DYM: variants seen among roughly 807,000 people sequenced by gnomAD.
DYM encodes the protein dyggve-Melchior-Clausen syndrome protein.
A neutral mutation model predicts 93.1 loss-of-function variants in DYM; 78 were observed. The observed-to-expected ratio is 0.84, with a 90% CI of 0.70 to 1.01. The LOEUF (loss-of-function observed/expected upper bound fraction) is 1.01, where lower values mean the gene tolerates loss of function less well. Ranked by LOEUF, DYM falls within the 50% of genes least tolerant of loss-of-function variation. DYM has a pLI of 0.00. For missense variants in DYM, 789 were observed against 845.0 expected (o/e 0.93, Z 0.82); for synonymous variants, 321 against 319.7 (o/e 1.00, Z -0.04).
At chr18:49,128,638 T>C (rs961753263) in intron 15 of DYM, among the ~76,000 whole-genome samples, 2 of 152,164 alleles carry the variant, frequency 1.3e-5, no homozygotes, top group African/African-American at 4.8e-5. Context: ...AACCCCTTCC[T>C]AGTCTCAAGT....
chr18:49,223,904 A>C (rs919938921), intron 13 of DYM, among the ~76,000 whole-genome samples: 3 of 152,126 alleles, frequency 2.0e-5, no homozygotes, highest in African/African-American at 7.2e-5. Context: ...TCACCAAGGA[A>C]TTATGCCTTC....
intron 13 of DYM, among the ~76,000 whole-genome samples, chr18:49,233,132 CGGGTGGA>C (rs1037628522): frequency 1.3e-5 from 2 of 151,844 alleles, no homozygotes; most frequent in African/African-American, 4.8e-5. Context: ...GAGGCCAAGG[CGGGTGGA>C]TCACCTGAGG....
At chr18:49,147,818 T>C (rs1290346017) in intron 15 of DYM, among the ~76,000 whole-genome samples, 1 of 152,170 alleles carries the variant, frequency 6.6e-6, no homozygotes, top group Non-Finnish European at 1.5e-5. Flanking sequence ...ACAAATACCA[T>C]TTGACCCGGC....
intron 1 of DYM, among the ~76,000 whole-genome samples, chr18:49,432,943 C>T (rs1392519703): frequency 1.3e-5 from 2 of 152,124 alleles, no homozygotes; most frequent in African/African-American, 4.8e-5. Flanking sequence ...TTTCAAGCTA[C>T]CAATTAAGTT....
At position 49,192,051 on chromosome 18, in the gene DYM, C is replaced by T. The variant is rs182633056; in HGVS notation, c.1625+17500G>A. 5.3e-5 allele frequency among the ~76,000 whole-genome samples: 8 copies of T among 151,984 alleles called. No individual in the cohort carries two copies. In the Middle Eastern group the frequency reaches 0.01, roughly 195 times the overall value. On this transcript the variant is annotated intron_variant, in intron 14 of 17. Transcript: ENST00000675505. ...ACCTGGGCTCAAGCGATCCTCCTGC[C>T]TCAGCCTCCTGGGACTATACATATG...
rs1293989041 is a variant in DYM, at chr18:49,363,152, A to G, written c.494+9T>C. The G allele has an allele frequency of 1.2e-6, 2 of 1,610,456 alleles. No individual in the cohort carries two copies. The highest frequency in any genetic ancestry group is 1.3e-5 in the African/African-American group (1 of 74,860). On this transcript the variant is annotated intron_variant, in intron 6 of 17. Transcript: ENST00000675505. ...AGATAAAACAAATCCTGGCCTAGCC[A>G]GAACTTACAAGAGTGGAATATCAGT... is the stretch of plus-strand genomic sequence containing the variant.
chr18:49,296,400 C>T (rs2060556844), intron 8 of DYM, among the ~76,000 whole-genome samples: 1 of 152,164 alleles, frequency 6.6e-6, no homozygotes, highest in African/African-American at 2.4e-5. Context: ...ACATTCATTT[C>T]ATCATTTATT....
intron 16 of DYM, among the ~76,000 whole-genome samples, chr18:49,113,665 T>C (rs2081635837): frequency 6.6e-6 from 1 of 152,182 alleles, no homozygotes; most frequent in South Asian, 2.1e-4. Context: ...GTTAACTCTA[T>C]GAAAGAAGAA....
intron 2 of DYM, among the ~76,000 whole-genome samples, chr18:49,403,818 G>A (rs1053501956): frequency 2.0e-5 from 3 of 151,590 alleles, no homozygotes; most frequent in Admixed American, 2.0e-4. Flanking sequence ...GTTTCCACCT[G>A]TATGTAAGAA....
intron 16 of DYM, among the ~76,000 whole-genome samples, chr18:49,118,434 A>G (rs1169936520): frequency 6.6e-6 from 1 of 152,224 alleles, no homozygotes; most frequent in Non-Finnish European, 1.5e-5. Flanking sequence ...TGGGCTAGAT[A>G]GAAATTAAAA....
intron 15 of DYM, among the ~76,000 whole-genome samples, chr18:49,163,322 A>C (rs1006492814): frequency 5.3e-5 from 8 of 152,080 alleles, no homozygotes; most frequent in African/African-American, 1.7e-4. Flanking sequence ...TGCTATTATA[A>C]ATTTTACAAT....
At chr18:49,151,886 A>G (rs1401798341) in intron 15 of DYM, among the ~76,000 whole-genome samples, 1 of 152,224 alleles carries the variant, frequency 6.6e-6, no homozygotes, top group African/African-American at 2.4e-5. Context: ...GATTTCTCAA[A>G]TAAGTAAAAG....
chr18:49,277,467 GAAC>G (rs1477611337), intron 10 of DYM, among the ~76,000 whole-genome samples: 1 of 152,128 alleles, frequency 6.6e-6, no homozygotes, highest in Non-Finnish European at 1.5e-5. Flanking sequence ...GTAGATATAC[GAAC>G]TGCACGTTTG....
chr18:49,088,546 A>T (rs1458812103), intron 17 of DYM, among the ~76,000 whole-genome samples: 12 of 150,102 alleles, frequency 8.0e-5, no homozygotes, highest in African/African-American at 3.0e-4. Context: ...TGTACCCTAG[A>T]ACTTAAAAAA....
chr18:49,319,719 A>G (rs1311872827), intron 8 of DYM, among the ~76,000 whole-genome samples: 2 of 152,206 alleles, frequency 1.3e-5, no homozygotes, highest in Non-Finnish European at 2.9e-5. Flanking sequence ...CTCAACTTGC[A>G]AAAGGCAGGG....
At chr18:49,093,065 G>A (rs2079203668) in intron 17 of DYM, among the ~76,000 whole-genome samples, 1 of 152,200 alleles carries the variant, frequency 6.6e-6, no homozygotes, top group Non-Finnish European at 1.5e-5. Context: ...TTTACCCCAC[G>A]AATATGTATT....
At chr18:49,099,203 AT>A (rs537488082) in intron 16 of DYM, among the ~76,000 whole-genome samples, 4 of 151,138 alleles carry the variant, frequency 2.6e-5, no homozygotes, top group East Asian at 3.9e-4. Context: ...GGCTTACTGA[AT>A]TTTTTTTTTC....
At chr18:49,060,777 G>C (rs913056694) in intron 17 of DYM, among the ~76,000 whole-genome samples, 36 of 150,110 alleles carry the variant, frequency 2.4e-4, no homozygotes, top group Non-Finnish European at 2.5e-4. Context: ...GGGAGAGAGG[G>C]AGAGGGAGAA....
chr18:49,348,852 T>C (rs2064857033), intron 6 of DYM, among the ~76,000 whole-genome samples: 1 of 142,220 alleles, frequency 7.0e-6, no homozygotes, highest in Non-Finnish European at 1.5e-5. Context: ...GAGATTGCAG[T>C]GAGCCATGAT....
Sources: allele counts gnomAD v4.1 joint callset (sites outside exome capture counted in the v4.1 genomes callset), GRCh38; gene constraint gnomAD v4.1.1; transcripts MANE v1.5; gene names NCBI Gene and HGNC (gene_info 2026-07-23, HGNC 2026-07-21).